The following SCARB2 variants were observed in gnomAD, a reference collection of about 807,000 sequenced individuals.
SCARB2 encodes scavenger receptor class B member 2, also known as lysosome membrane protein 2.
Under a neutral mutation model 58.6 loss-of-function variants are expected in SCARB2, and 29 were observed. That is an observed-to-expected ratio of 0.49 (90% CI 0.37 to 0.67). SCARB2 has a LOEUF of 0.67. Among genes scored for constraint, SCARB2 ranks in the 30% least tolerant of loss-of-function variants. The pLI, the probability that SCARB2 is intolerant of heterozygous loss-of-function variation, is 0.00. For synonymous variants in SCARB2, 195 were observed against 210.1 expected (o/e 0.93, Z 0.62); for missense variants, 488 against 578.5 (o/e 0.84, Z 1.60).
chr4:76,175,952 T>A (rs745530761), intron 5 of SCARB2, 42 bp from the exon 6 acceptor site: 14 of 1,610,506 alleles, frequency 8.7e-6, no homozygotes, highest in Non-Finnish European at 8.5e-6. Flanking sequence ...ATGATCACAT[T>A]TGAGTTTAGA....
At chr4:76,197,942 T>A (rs950704369) in intron 1 of SCARB2, among the ~76,000 whole-genome samples, 2 of 152,190 alleles carry the variant, frequency 1.3e-5, no homozygotes, top group Non-Finnish European at 2.9e-5. Flanking sequence ...TGTAGCATGT[T>A]ATGGATAGAC....
chr4:76,216,110 G>C (rs1733202150), upstream of SCARB2, among the ~76,000 whole-genome samples: 1 of 152,164 alleles, frequency 6.6e-6, no homozygotes, highest in East Asian at 1.9e-4. Context: ...GTGGTCTCCA[G>C]TCCTCAGGTG....
chr4:76,214,193 G>GGGGC (rs1297108311), upstream of SCARB2: 361 of 454,046 alleles, frequency 8.0e-4, 2 homozygotes, highest in Non-Finnish European at 1.0e-3. Flanking sequence ...TGCTCTAGAG[G>GGGGC]CGCTCGCAAG....
chr4:76,211,612 A>G (rs1357591112), intron 1 of SCARB2, among the ~76,000 whole-genome samples: 1 of 152,254 alleles, frequency 6.6e-6, no homozygotes, highest in Non-Finnish European at 1.5e-5. Context: ...AAGTAAGATT[A>G]AACAGCCCAC....
chr4:76,211,576 A>G (rs1409902091), intron 1 of SCARB2, among the ~76,000 whole-genome samples: 1 of 152,178 alleles, frequency 6.6e-6, no homozygotes, highest in Non-Finnish European at 1.5e-5. Context: ...TATTATCCCT[A>G]TTTACAGATG....
chr4:76,179,583 A>G lies in SCARB2; in HGVS notation c.546T>C (p.Asp182=). 1 of 1,614,194 alleles carries G rather than the reference A, an allele frequency of 6.2e-7. No individual in the cohort carries two copies. Among genetic ancestry groups the G allele is most frequent in the Non-Finnish European group, 8.5e-7 (1 of 1,180,020 alleles). Residue 182 remains aspartate (D), a synonymous_variant, in exon 4 of 12, where the codon GAT becomes GAC. Transcript: ENST00000264896. The stretch of plus-strand genomic sequence containing the variant: ...AAACATGGATAAGGGACAAGATTTC[A>G]TCTTTGTAGCCCCAGAGCAATTCGT... The part of the protein sequence containing the change: ...TVDELLWGYK[D]EILSLIHVFR...
At chr4:76,181,566 C>T (rs1732386052) in intron 2 of SCARB2, among the ~76,000 whole-genome samples, 1 of 151,996 alleles carries the variant, frequency 6.6e-6, no homozygotes, top group Non-Finnish European at 1.5e-5. Flanking sequence ...CAGGAGTTCA[C>T]TCCTGTTTCT....
At chr4:76,192,492 C>T (rs747455655) in intron 2 of SCARB2, 1 of 152,138 alleles carries the variant, frequency 6.6e-6, no homozygotes, top group Non-Finnish European at 1.5e-5. Flanking sequence ...GGCAGCAAAG[C>T]ATTCAAGATG....
At chr4:76,175,636 C>T (rs1732236909) in intron 6 of SCARB2, among the ~76,000 whole-genome samples, 155 bp downstream of exon 6, 1 of 152,194 alleles carries the variant, frequency 6.6e-6, no homozygotes, top group Admixed American at 6.5e-5. Context: ...TGAACCAGTA[C>T]ACTATACTGT....
chr4:76,164,334 C>T (rs1183773641), intron 10 of SCARB2: 1 of 152,122 alleles, frequency 6.6e-6, no homozygotes, highest in East Asian at 1.9e-4. Flanking sequence ...GTGGTGAAAC[C>T]ACCTCTCTAC....
chr4:76,223,443 G>A (rs1246614303), intron 1 of SCARB2, among the ~76,000 whole-genome samples: 3 of 152,194 alleles, frequency 2.0e-5, no homozygotes, highest in Non-Finnish European at 2.9e-5. Context: ...ACTGTGAGAA[G>A]ACAGCAGAAT....
At chr4:76,177,926 G>A (rs1381291389) in intron 4 of SCARB2, among the ~76,000 whole-genome samples, 3 of 152,172 alleles carry the variant, frequency 2.0e-5, no homozygotes, top group Non-Finnish European at 4.4e-5. Context: ...TCTTTTTTGG[G>A]ATAATGAAAA....
intron 1 of SCARB2, among the ~76,000 whole-genome samples, chr4:76,207,761 G>C (rs1290323828): frequency 3.3e-5 from 5 of 152,164 alleles, no homozygotes; most frequent in African/African-American, 1.2e-4. Context: ...TGGGAAATAA[G>C]CAAATGTCTG....
chr4:76,180,422 TATAGA>T (rs1732357867), intron 3 of SCARB2: 2 of 151,134 alleles, frequency 1.3e-5, no homozygotes, highest in African/African-American at 4.8e-5. Context: ...TGGGTCTCAG[TATAGA>T]ATAGATGTAG....
intron 1 of SCARB2, among the ~76,000 whole-genome samples, chr4:76,203,220 C>T (rs1038879340): frequency 5.6e-4 from 85 of 152,172 alleles, no homozygotes; most frequent in African/African-American, 2.0e-3. Flanking sequence ...AGTGATCCAC[C>T]TACCTCGGCC....
intron 1 of SCARB2, among the ~76,000 whole-genome samples, chr4:76,196,128 C>T (rs893868772): frequency 2.6e-5 from 4 of 152,192 alleles, no homozygotes; most frequent in South Asian, 2.1e-4. Flanking sequence ...GAGGCCAAGG[C>T]GGGCAGATCA....
At chr4:76,166,184 T>C in intron 10 of SCARB2, 66 bp downstream of exon 10, 4 of 1,442,850 alleles carry the variant, frequency 2.8e-6, no homozygotes, top group Admixed American at 1.7e-5. Flanking sequence ...ACTACAACAG[T>C]AGACATCATA....
At position 76,195,756 on chromosome 4, in the gene SCARB2, G is replaced by T; in HGVS notation, c.226C>A (p.Leu76Ile). 6.2e-7 allele frequency: 1 copy of T among 1,614,018 alleles called. No individual in the cohort carries two copies. Among genetic ancestry groups the T allele is most frequent in the Non-Finnish European group, 8.5e-7 (1 of 1,179,902 alleles). The change falls in exon 2 of 12, where the codon CTC becomes ATC. Residue 76 changes from leucine to isoleucine, a missense_variant. Coordinates refer to ENST00000264896, the MANE Select transcript of SCARB2 (RefSeq NM_005506.4). The stretch of plus-strand genomic sequence containing the variant: ...TCCACCCGAGGGGTCTCCCCTCTGA[G>T]GATCTCCTCTGGATTGGTGACATTG... ...FFNVTNPEEI[L>I]RGETPRVEEV...
intron 2 of SCARB2, chr4:76,193,721 A>C (rs1042973579): frequency 1.3e-5 from 2 of 152,238 alleles, no homozygotes; most frequent in Non-Finnish European, 2.9e-5. Context: ...GTATCTTGAA[A>C]GGAAATAACT....
Sources: gnomAD v4.1 joint callset for allele counts (sites outside exome capture counted in the v4.1 genomes callset) on GRCh38, gnomAD v4.1.1 for gene constraint, MANE v1.5 for transcripts, NCBI Gene and HGNC (gene_info 2026-07-23, HGNC 2026-07-21) for gene names.